WDR20: variants seen among roughly 807,000 people sequenced by gnomAD.
The protein encoded by WDR20 is WD repeat domain 20, also known as WD repeat-containing protein 20.
WDR20 carries 3 observed loss-of-function variants against 38.7 expected under a neutral mutation model. The ratio of observed to expected loss-of-function variants is 0.08; its 90% CI spans 0.04 to 0.20. WDR20 has a LOEUF of 0.20. Among genes scored for constraint, WDR20 ranks in the 10% least tolerant of loss-of-function variants. The probability of loss-of-function intolerance (pLI) is 1.00; values close to 1 mark genes in which losing one functional copy is unlikely to be tolerated. For missense variants in WDR20, 559 were observed against 727.7 expected (o/e 0.77, Z 2.67); for synonymous variants, 298 against 285.6 (o/e 1.04, Z -0.44).
At chr14:102,202,674 C>T (rs781478293) in intron 2 of WDR20, among the ~76,000 whole-genome samples, 14 of 152,066 alleles carry the variant, frequency 9.2e-5, no homozygotes, top group South Asian at 2.1e-4. Context: ...GCCACTGCGC[C>T]GGGCCTGTAC....
downstream of WDR20, chr14:102,212,478 T>C (rs2062671660): frequency 1.3e-6 from 2 of 1,533,814 alleles, no homozygotes; most frequent in Non-Finnish European, 8.7e-7. Flanking sequence ...CACCACTCTG[T>C]GTCCACTCTG....
intron 1 of WDR20, among the ~76,000 whole-genome samples, chr14:102,149,766 A>C (rs1272981973): frequency 6.6e-6 from 1 of 152,168 alleles, no homozygotes; most frequent in Non-Finnish European, 1.5e-5. Context: ...CGATCTCAGC[A>C]CACTGCAACC....
At chr14:102,160,289 G>T (rs2058347633) in intron 1 of WDR20, among the ~76,000 whole-genome samples, 1 of 152,084 alleles carries the variant, frequency 6.6e-6, no homozygotes, top group Non-Finnish European at 1.5e-5. Flanking sequence ...ACATTTACAT[G>T]GTTGCAGCAT....
chr14:102,207,250 G>A lies in WDR20; in HGVS notation c.433-1353G>A, dbSNP rs1022287717. On this transcript the variant is annotated intron_variant, in intron 2 of 2. Transcript: ENST00000342702. This position sits in a 1 kb window ranked among gnomAD's most constrained non-coding sequence, Gnocchi z 5.0. ...TCAGGCCTCCGTTCTTCCTGCCTGG[G>A]GTCCTTTGTTAGCAGCCTACTTTCT... Among the ~76,000 whole-genome samples the A allele has an allele frequency of 1.3e-5, 2 of 152,264 alleles. No homozygotes were observed. Among genetic ancestry groups the A allele is most frequent in the African/African-American group, 2.4e-5 (1 of 41,468 alleles).
intron 2 of WDR20, among the ~76,000 whole-genome samples, chr14:102,198,712 A>G (rs2059820742): frequency 6.6e-6 from 1 of 152,196 alleles, no homozygotes; most frequent in African/African-American, 2.4e-5. Flanking sequence ...AGAAGGGAGC[A>G]GGTGCACAAG....
chr14:102,191,415 G>GC (rs1566981091), intron 1 of WDR20: 2 of 152,654 alleles, frequency 1.3e-5, no homozygotes, highest in Non-Finnish European at 2.9e-5. Context: ...CCCATCCCCC[G>GC]CCCCCCAGAA....
At chr14:102,203,865 A>G (rs969314460) in intron 2 of WDR20, among the ~76,000 whole-genome samples, 2 of 152,188 alleles carry the variant, frequency 1.3e-5, no homozygotes, top group Admixed American at 1.3e-4. Flanking sequence ...AATATACCTT[A>G]TAGTGCAGAA....
downstream of WDR20, among the ~76,000 whole-genome samples, chr14:102,224,286 T>C (rs565968772): frequency 1.2e-4 from 18 of 151,998 alleles, no homozygotes; most frequent in African/African-American, 4.1e-4. Flanking sequence ...GTGATCCGCC[T>C]GCCTTGGCCT....
At chr14:102,210,868 T>A (rs2062420553), downstream of WDR20, among the ~76,000 whole-genome samples, 2 of 152,138 alleles carry the variant, frequency 1.3e-5, no homozygotes, top group South Asian at 4.1e-4. Flanking sequence ...TTGGGCTTCG[T>A]CCCCCGCAGA....
At chr14:102,198,097 CTTTATTTATTTATTTATTTATTTA>C (rs67384915) in intron 2 of WDR20, 8 of 176,428 alleles carry the variant, frequency 4.5e-5, no homozygotes, top group South Asian at 1.7e-4. Flanking sequence ...CAGAGGTCTA[CTTTATTTATTTATTTATTTATTTA>C]TTTATTTATT....
intron 1 of WDR20, among the ~76,000 whole-genome samples, chr14:102,176,902 G>A (rs1315240759): frequency 6.6e-6 from 1 of 152,052 alleles, no homozygotes; most frequent in Non-Finnish European, 1.5e-5. Flanking sequence ...CTAATTATTT[G>A]TATTATTATT....
intron 1 of WDR20, among the ~76,000 whole-genome samples, chr14:102,151,237 G>A (rs2055724214): frequency 7.0e-6 from 1 of 143,320 alleles, no homozygotes; most frequent in East Asian, 2.0e-4. Flanking sequence ...GGATAATGAA[G>A]GGCTACAGTA....
At chr14:102,172,515 G>C (rs1173226292) in intron 1 of WDR20, among the ~76,000 whole-genome samples, 1 of 141,126 alleles carries the variant, frequency 7.1e-6, no homozygotes. Context: ...CTCCCGGACG[G>C]GGCGGCTGGC....
intron 1 of WDR20, among the ~76,000 whole-genome samples, chr14:102,184,310 GAAGAGCTGGTA>G (rs918901994): frequency 6.6e-6 from 1 of 152,218 alleles, no homozygotes; most frequent in African/African-American, 2.4e-5. Flanking sequence ...ATCAGAGAAT[GAAGAGCTGGTA>G]AAGATGTTGC....
chr14:102,148,302 A>G (rs58710043), intron 1 of WDR20, among the ~76,000 whole-genome samples: 1 of 152,134 alleles, frequency 6.6e-6, no homozygotes, highest in Non-Finnish European at 1.5e-5. Flanking sequence ...CCAGTATTTT[A>G]GGAGACCGAG....
chr14:102,146,346 G>C (rs1310573365), intron 1 of WDR20, among the ~76,000 whole-genome samples: 1 of 152,000 alleles, frequency 6.6e-6, no homozygotes, highest in African/African-American at 2.4e-5. Flanking sequence ...TGTATATTTA[G>C]TAGAGACAGG....
rs534984530 is a variant in WDR20, at chr14:102,188,515, C to T, written c.250-6423C>T. On this transcript the variant is annotated intron_variant, in intron 1 of 2. Transcript: ENST00000342702. ...AAGAAATTCCTCAAGGACCTATAGG[C>T]TCATTAGTGCCATGCTAAACTGACC... Among the ~76,000 whole-genome samples, 3 of 152,186 alleles carry T rather than the reference C, an allele frequency of 2.0e-5. No homozygotes were observed. In the East Asian group the frequency reaches 5.8e-4, roughly 29 times the overall value.
intron 1 of WDR20, among the ~76,000 whole-genome samples, chr14:102,176,506 G>A (rs925456203): frequency 6.6e-6 from 1 of 152,190 alleles, no homozygotes; most frequent in South Asian, 2.1e-4. Context: ...AGACTATCCT[G>A]GCTAACATGG....
chr14:102,185,923 C>T (rs1450935225), intron 1 of WDR20, among the ~76,000 whole-genome samples: 1 of 151,846 alleles, frequency 6.6e-6, no homozygotes, highest in Admixed American at 6.6e-5. Context: ...GAATTGTTTC[C>T]TTTCTGTGAC....
Sources: allele counts gnomAD v4.1 joint callset (sites outside exome capture counted in the v4.1 genomes callset), GRCh38; gene constraint gnomAD v4.1.1; non-coding constraint Gnocchi (gnomAD v3.1); transcripts MANE v1.5; gene names NCBI Gene and HGNC (gene_info 2026-07-23, HGNC 2026-07-21).